Variants in KLHL1 observed in about 807,000 individuals in gnomAD.
KLHL1 encodes kelch like family member 1.
Under a neutral mutation model 77.7 loss-of-function variants are expected in KLHL1, and 47 were observed. That is an observed-to-expected ratio of 0.60 (90% CI 0.48 to 0.77). KLHL1 has a LOEUF of 0.77. Ranked by LOEUF, KLHL1 falls within the 30% of genes least tolerant of loss-of-function variation. The pLI is 0.00. For missense variants in KLHL1, 925 were observed against 910.8 expected, an observed-to-expected ratio of 1.02 and a Z score of -0.20; for synonymous variants, 360 against 325.2, an observed-to-expected ratio of 1.11 and a Z score of -1.15.
At chr13:69,903,957 T>TA (rs1353805048) in intron 4 of KLHL1, among the ~76,000 whole-genome samples, 3 of 150,726 alleles carry the variant, frequency 2.0e-5, no homozygotes, top group African/African-American at 7.3e-5. Flanking sequence ...ACTTGATATA[T>TA]TTTTTTTTAT....
At chr13:69,762,400 G>A (rs1277095382) in intron 7 of KLHL1, among the ~76,000 whole-genome samples, 2 of 151,950 alleles carry the variant, frequency 1.3e-5, no homozygotes, top group African/African-American at 4.8e-5. Flanking sequence ...GTGCTGCAAG[G>A]CTTTAAAGCA....
chr13:69,829,442 G>A (rs916994659), intron 6 of KLHL1, among the ~76,000 whole-genome samples: 1 of 150,022 alleles, frequency 6.7e-6, no homozygotes, highest in African/African-American at 2.5e-5. Flanking sequence ...TCTGAACGCA[G>A]CCCTTAAGCC....
intron 7 of KLHL1, among the ~76,000 whole-genome samples, chr13:69,790,308 A>C (rs1876810534): frequency 6.6e-6 from 1 of 152,248 alleles, no homozygotes; most frequent in Admixed American, 6.5e-5. Context: ...GTATTCAAGA[A>C]AAACAATGAA....
At chr13:69,825,341 G>A (rs1210025515) in intron 6 of KLHL1, among the ~76,000 whole-genome samples, 3 of 152,004 alleles carry the variant, frequency 2.0e-5, no homozygotes, top group Admixed American at 6.6e-5. Flanking sequence ...AGGGAGCTTC[G>A]GATCTGGGGT....
intron 5 of KLHL1, among the ~76,000 whole-genome samples, chr13:69,867,091 A>C (rs1400291424): frequency 6.6e-6 from 1 of 152,144 alleles, no homozygotes; most frequent in East Asian, 1.9e-4. Context: ...AAAACTGTAC[A>C]GTAGGAATGG....
intron 4 of KLHL1, among the ~76,000 whole-genome samples, chr13:69,910,390 T>G (rs1882197147): frequency 6.6e-6 from 1 of 152,090 alleles, no homozygotes; most frequent in African/African-American, 2.4e-5. Flanking sequence ...TTGTCTAATT[T>G]TGACTGATGT....
chr13:69,786,515 T>A (rs1876556439), intron 7 of KLHL1, among the ~76,000 whole-genome samples: 1 of 152,102 alleles, frequency 6.6e-6, no homozygotes, highest in South Asian at 2.1e-4. Flanking sequence ...CTCAAAATAA[T>A]AAGGGCTATC....
chr13:69,840,553 T>A (rs2138112960), intron 5 of KLHL1, among the ~76,000 whole-genome samples: 1 of 151,990 alleles, frequency 6.6e-6, no homozygotes, highest in South Asian at 2.1e-4. Flanking sequence ...ATAAGAAACA[T>A]AATATTAGTT....
At chr13:69,844,589 C>T (rs1050135587) in intron 5 of KLHL1, among the ~76,000 whole-genome samples, 1 of 151,570 alleles carries the variant, frequency 6.6e-6, no homozygotes, top group Non-Finnish European at 1.5e-5. Flanking sequence ...GGGGGTTAGG[C>T]CAACCACATG....
intron 2 of KLHL1, among the ~76,000 whole-genome samples, chr13:69,967,223 A>T (rs1207808411): frequency 6.6e-6 from 1 of 152,200 alleles, no homozygotes; most frequent in Non-Finnish European, 1.5e-5. Context: ...GGCATCTGGC[A>T]AAGTAAATTT....
At chr13:69,855,365 T>C (rs1447277666) in intron 5 of KLHL1, among the ~76,000 whole-genome samples, 2,634 of 128,378 alleles carry the variant, frequency 0.021, 55 homozygotes, top group Non-Finnish European at 0.027. Context: ...GATAGATACA[T>C]AGAGAGATAG....
chr13:69,764,949 T>C (rs1875214214), intron 7 of KLHL1, among the ~76,000 whole-genome samples: 2 of 85,428 alleles, frequency 2.3e-5, no homozygotes, highest in African/African-American at 4.3e-5. Context: ...TTTTTTTTTT[T>C]TTTTTTTTTT....
At chr13:69,947,342 A>AT (rs1375447733) in intron 3 of KLHL1, among the ~76,000 whole-genome samples, 1 of 152,044 alleles carries the variant, frequency 6.6e-6, no homozygotes, top group Admixed American at 6.6e-5. Flanking sequence ...GGAAAAGTAT[A>AT]TTACTATATT....
intron 1 of KLHL1, among the ~76,000 whole-genome samples, chr13:70,061,151 T>C (rs901125052): frequency 1.3e-4 from 20 of 152,076 alleles, no homozygotes; most frequent in African/African-American, 4.8e-4. Flanking sequence ...CTCTACTCAC[T>C]TAATGTTTTA....
chr13:69,722,039 A>G (rs1873089447), intron 8 of KLHL1, among the ~76,000 whole-genome samples: 1 of 152,194 alleles, frequency 6.6e-6, no homozygotes, highest in South Asian at 2.1e-4. Flanking sequence ...GAATAACCCT[A>G]AGATATTAAA....
At chr13:69,917,920 G>A (rs1441275601) in intron 4 of KLHL1, among the ~76,000 whole-genome samples, 1 of 151,972 alleles carries the variant, frequency 6.6e-6, no homozygotes, top group East Asian at 1.9e-4. Context: ...TTGTTGAAAG[G>A]TACTTTACTG....
intron 1 of KLHL1, among the ~76,000 whole-genome samples, chr13:70,037,761 C>G (rs1402765388): frequency 6.6e-6 from 1 of 151,996 alleles, no homozygotes. Flanking sequence ...TTCATCAGTC[C>G]TAAAATACAC....
At chr13:69,769,112 G>A (rs1875444663) in intron 7 of KLHL1, among the ~76,000 whole-genome samples, 1 of 152,152 alleles carries the variant, frequency 6.6e-6, no homozygotes, top group Non-Finnish European at 1.5e-5. Flanking sequence ...CTATGTACCA[G>A]GAGTACAGAG....
intron 7 of KLHL1, 71 bp downstream of exon 7, chr13:69,796,665 AAT>A: frequency 9.3e-7 from 1 of 1,077,558 alleles, no homozygotes; most frequent in South Asian, 1.5e-5. Context: ...AGACATCAAT[AAT>A]ATATTTTATC....
Sources: allele counts gnomAD v4.1 joint callset (sites outside exome capture counted in the v4.1 genomes callset), GRCh38; gene constraint gnomAD v4.1.1; transcripts MANE v1.5; gene names NCBI Gene and HGNC (gene_info 2026-07-23, HGNC 2026-07-21).